The following NOP58 variants were observed in gnomAD, a reference collection of about 807,000 sequenced individuals.
The protein encoded by NOP58 is nucleolar protein 58.
In NOP58, 44 loss-of-function variants were observed where a neutral mutation model predicts 71.2. The observed-to-expected ratio is 0.62, with a 90% CI of 0.49 to 0.79. The LOEUF (loss-of-function observed/expected upper bound fraction) is 0.79. NOP58 is among the 30% of genes least tolerant of loss of function. The pLI is 0.00. For synonymous variants in NOP58, 228 were observed against 200.3 expected, an observed-to-expected ratio of 1.14 and a Z score of -1.17; for missense variants, 538 against 620.2, an observed-to-expected ratio of 0.87 and a Z score of 1.41.
At chr2:202,291,002 T>A (rs563059679) in intron 7 of NOP58, 123 bp from the exon 8 acceptor site, 15 of 786,210 alleles carry the variant, frequency 1.9e-5, no homozygotes, top group Admixed American at 6.3e-5. Flanking sequence ...AACTTCTTCA[T>A]TTTTTTTGTT....
intron 3 of NOP58, among the ~76,000 whole-genome samples, chr2:202,280,032 C>G (rs1347548924): frequency 6.6e-6 from 1 of 152,148 alleles, no homozygotes; most frequent in Non-Finnish European, 1.5e-5. Flanking sequence ...ATTTACAATG[C>G]CTTTTCCTAT....
At position 202,290,432 on chromosome 2, in the gene NOP58, A is replaced by T; in HGVS notation, c.609A>T (p.Thr203=). 2 of 1,610,890 alleles carry T rather than the reference A, an allele frequency of 1.2e-6. No individual in the cohort carries two copies. The highest frequency in any genetic ancestry group is 8.5e-7 in the Non-Finnish European group (1 of 1,178,540). The change falls in exon 7 of 15, where the codon ACA becomes ACT. Residue 203 remains threonine, a synonymous_variant. Coordinates refer to ENST00000264279, the MANE Select transcript of NOP58 (RefSeq NM_015934.5). ...GAAAAATTATTTCAGATAATTTAAC[A>T]TACTGCAAGTGTTTACAGAAAGTTG... ...ELGKIISDNL[T]YCKCLQKVGD...
chr2:202,279,086 G>T (rs1468972373), intron 3 of NOP58, among the ~76,000 whole-genome samples: 1 of 152,184 alleles, frequency 6.6e-6, no homozygotes, highest in Non-Finnish European at 1.5e-5. Flanking sequence ...TTAAGTATGG[G>T]TAAACATTTG....
intron 4 of NOP58, among the ~76,000 whole-genome samples, chr2:202,283,498 T>G (rs1039926843): frequency 6.6e-6 from 1 of 150,868 alleles, no homozygotes; most frequent in African/African-American, 2.5e-5. Context: ...TGAAGTGCAT[T>G]GGCTCAGTCT....
intron 9 of NOP58, among the ~76,000 whole-genome samples, chr2:202,294,706 T>A (rs1688961845): frequency 6.6e-6 from 1 of 152,218 alleles, no homozygotes; most frequent in African/African-American, 2.4e-5. Flanking sequence ...GGCTTACGCC[T>A]GTAATCCCAG....
intron 5 of NOP58, among the ~76,000 whole-genome samples, chr2:202,287,064 C>CTTT (rs11326861): frequency 7.2e-4 from 80 of 110,702 alleles, no homozygotes; most frequent in East Asian, 1.2e-3. Flanking sequence ...ACCAATATGG[C>CTTT]TTTTTTTTTT....
chr2:202,300,623 G>A (rs911997773), intron 13 of NOP58, among the ~76,000 whole-genome samples: 8 of 152,174 alleles, frequency 5.3e-5, no homozygotes, highest in Admixed American at 5.2e-4. Flanking sequence ...TCTCCTACAT[G>A]AACTATTTGG....
intron 10 of NOP58, among the ~76,000 whole-genome samples, chr2:202,296,723 T>G (rs1475142856): frequency 6.7e-6 from 1 of 150,194 alleles, no homozygotes; most frequent in African/African-American, 2.4e-5. Flanking sequence ...TTTTTTTTGT[T>G]TGTTTGTTTG....
Position 202,290,584 on chromosome 2 carries a change from G to C in NOP58, c.634+127G>C, listed in dbSNP as rs7583761. The C allele has an allele frequency of 0.035, 27,461 of 779,048 alleles. 5,468 individuals carry two copies. In the African/African-American group the frequency reaches 0.43, roughly 12 times the overall value. 48.3% of individuals were successfully genotyped at this position (779,048 alleles called of 1,614,324 possible). A position where few individuals can be genotyped will look rare whatever the true frequency, so the allele number is the denominator to read the frequency against. On this transcript the variant is annotated intron_variant, in intron 7 of 14. Coordinates refer to ENST00000264279, the MANE Select transcript of NOP58 (RefSeq NM_015934.5). ...TTTGCAATTTCTGTGTATTTGGGAA[G>C]TGTAGCAGTTTAGTGTCTTAAATTT... is the stretch of plus-strand genomic sequence containing the variant.
At chr2:202,289,811 GT>G (rs1384490235) in intron 6 of NOP58, among the ~76,000 whole-genome samples, 2 of 152,132 alleles carry the variant, frequency 1.3e-5, no homozygotes, top group African/African-American at 4.8e-5. Context: ...ATGAGTTACT[GT>G]TTAATGGGTA....
At chr2:202,271,402 A>G (rs1347250382) in intron 1 of NOP58, among the ~76,000 whole-genome samples, 4 of 93,246 alleles carry the variant, frequency 4.3e-5, no homozygotes, top group Non-Finnish European at 8.6e-5. Context: ...CTAAAATACA[A>G]AAAAAAAAAA....
rs539185924 is a variant in NOP58, at chr2:202,283,438, C to G, written c.298-907C>G. ...TACAGGCATGTGCCACCACGCCCAA[C>G]CTGTAATTTTTTTTTTTTTTTAAGA... On this transcript the variant is annotated intron_variant, in intron 4 of 14. Coordinates refer to ENST00000264279, the MANE Select transcript of NOP58 (RefSeq NM_015934.5). Among the ~76,000 whole-genome samples, 278 of 143,486 alleles carry G rather than the reference C, an allele frequency of 1.9e-3. 3 individuals carry two copies. Among genetic ancestry groups the G allele is most frequent in the African/African-American group, 7.6e-3 (265 of 34,792 alleles). 94.1% of individuals were successfully genotyped at this position (143,486 alleles called of 152,430 possible).
At chr2:202,287,522 C>T (rs767411147) in intron 5 of NOP58, 138 bp from the exon 6 acceptor site, 25 of 554,034 alleles carry the variant, frequency 4.5e-5, no homozygotes, top group South Asian at 7.3e-5. Context: ...GCTGATTTTT[C>T]TTCTTAGAAA....
Position 202,266,005 on chromosome 2 carries a change from C to A in NOP58, c.45+19C>A, listed in dbSNP as rs1173363641. The A allele has an allele frequency of 7.4e-6, 12 of 1,613,560 alleles. No homozygotes were observed. The highest frequency in any genetic ancestry group is 1.0e-5 in the Non-Finnish European group (12 of 1,179,682). On this transcript the variant is annotated intron_variant, in intron 1 of 14. Transcript: ENST00000264279. ...CTTTAAGGTAGGTGGGAGAGCGAGCCGTTAAAGGGGGAAGGCGGATGCTGG... is the reference window on the plus strand; with the variant it reads ...CTTTAAGGTAGGTGGGAGAGCGAGCAGTTAAAGGGGGAAGGCGGATGCTGG...
At position 202,284,549 on chromosome 2, in the gene NOP58, A is replaced by C. The variant is rs1688759890; in HGVS notation, c.434+68A>C. The C allele has an allele frequency of 8.6e-6, 13 of 1,505,384 alleles. No homozygotes were observed. In the South Asian group the frequency reaches 1.4e-4, roughly 17 times the overall value. 93.3% of individuals were successfully genotyped at this position (1,505,384 alleles called of 1,614,324 possible). On this transcript the variant is annotated intron_variant, in intron 5 of 14. Coordinates refer to ENST00000264279, the MANE Select transcript of NOP58 (RefSeq NM_015934.5). ...TAAGCGCTTAACATAGATCTGTTCT[A>C]AGAATGTTACAAATGCTCATTTGAA...
chr2:202,301,933 C>T (rs905936009), intron 13 of NOP58, among the ~76,000 whole-genome samples: 1 of 152,042 alleles, frequency 6.6e-6, no homozygotes, highest in African/African-American at 2.4e-5. Context: ...TATGTCTCCA[C>T]TCTGCCACTA....
At chr2:202,294,336 CAAAAA>C (rs1231907557) in intron 9 of NOP58, among the ~76,000 whole-genome samples, 2 of 71,446 alleles carry the variant, frequency 2.8e-5, no homozygotes, top group African/African-American at 1.0e-4. Flanking sequence ...AACTCCATCT[CAAAAA>C]AAAAAAAAAA....
At chr2:202,284,067 A>G (rs1326821312) in intron 4 of NOP58, among the ~76,000 whole-genome samples, 1 of 151,906 alleles carries the variant, frequency 6.6e-6, no homozygotes, top group African/African-American at 2.4e-5. Context: ...GGATCACTTG[A>G]GGTCAGGAGT....
chr2:202,291,558 G>A (rs556763295), intron 8 of NOP58: 44 of 206,714 alleles, frequency 2.1e-4, no homozygotes, highest in South Asian at 9.5e-4. Context: ...TGTAATCCCC[G>A]CACTTTGGAA....
Sources: allele counts gnomAD v4.1 joint callset (sites outside exome capture counted in the v4.1 genomes callset), GRCh38; gene constraint gnomAD v4.1.1; transcripts MANE v1.5; gene names NCBI Gene and HGNC (gene_info 2026-07-23, HGNC 2026-07-21).